The following PCDH19 variants were observed in gnomAD, a reference collection of about 807,000 sequenced individuals.
The protein encoded by PCDH19 is protocadherin-19.
In PCDH19, 6 loss-of-function variants were observed where a neutral mutation model predicts 46.2. The ratio of observed to expected loss-of-function variants is 0.13; its 90% CI spans 0.07 to 0.26. The LOEUF is 0.26. Among genes scored for constraint, PCDH19 ranks in the 10% least tolerant of loss-of-function variants. The probability of loss-of-function intolerance (pLI) is 1.00; values close to 1 mark genes in which losing one functional copy is unlikely to be tolerated. For synonymous variants in PCDH19, 481 were observed against 415.7 expected (o/e 1.16, Z -1.91); for missense variants, 740 against 972.3 (o/e 0.76, Z 3.18).
chrX:100,373,280 C>T (rs1250136768), intron 3 of PCDH19, among the ~76,000 whole-genome samples: 1 of 112,868 alleles, frequency 8.9e-6, no homozygotes, highest in Non-Finnish European at 1.9e-5. Flanking sequence ...GGATTATAGG[C>T]GTGAGCCACC....
Position 100,296,279 on chromosome X carries a change from A to C in PCDH19, c.3445T>G (p.Ter1149GluextTer31). ...TTCTCTTCTTCCTGGAGACTGGTTTAGAGAACGATATCCTTCAGACGCTTC... is the reference window on the plus strand; with the variant it reads ...TTCTCTTCTTCCTGGAGACTGGTTTCGAGAACGATATCCTTCAGACGCTTC... ...GVKRLKDIVL[*>E] The change falls in exon 6 of 6, where the codon TAA becomes GAA. Residue 1149 changes from the stop codon to glutamate, a stop_lost. Coordinates refer to ENST00000373034, the MANE Select transcript of PCDH19 (RefSeq NM_001184880.2). The C allele has an allele frequency of 8.3e-7, 1 of 1,199,825 alleles. No homozygotes were observed. Among genetic ancestry groups the C allele is most frequent in the Non-Finnish European group, 1.1e-6 (1 of 884,432 alleles).
intron 5 of PCDH19, among the ~76,000 whole-genome samples, chrX:100,338,505 G>A (rs750052983): frequency 4.5e-5 from 4 of 87,953 alleles, no homozygotes; most frequent in African/African-American, 8.8e-5. Flanking sequence ...CTGGGTGACA[G>A]AGTGAGACTC....
intron 3 of PCDH19, among the ~76,000 whole-genome samples, chrX:100,356,894 T>C (rs1036004334): frequency 1.8e-5 from 2 of 111,486 alleles, no homozygotes; most frequent in East Asian, 5.6e-4. Context: ...ACAGATGACC[T>C]TGGATGAATC....
chrX:100,409,809 T>G lies in PCDH19; in HGVS notation c.-1212A>C. 5 of 219,115 alleles carry G rather than the reference T, an allele frequency of 2.3e-5. No individual in the cohort carries two copies. Among genetic ancestry groups the G allele is most frequent in the Non-Finnish European group, 3.3e-5 (4 of 122,739 alleles). The allele number at this position is 219,115 out of a possible 1,213,427, so 18.1% of individuals were successfully genotyped here. A position where few individuals can be genotyped will look rare whatever the true frequency, so the allele number is the denominator to read the frequency against. ...CCTCAGCAGCTGCCACAGTCGACGA[T>G]TTTGTCGCCGCCGAAGTTTACTTGC... is the stretch of plus-strand genomic sequence containing the variant. On this transcript the variant is annotated 5_prime_UTR_variant, in exon 1 of 6. Coordinates refer to ENST00000373034, the MANE Select transcript of PCDH19 (RefSeq NM_001184880.2).
Position 100,408,426 on chromosome X carries a change from C to A in PCDH19, c.172G>T (p.Ala58Ser), listed in dbSNP as rs763745318. ...TTGGACACCACGCGAAAGGCTGAAG[C>A]CTGCCGGGGGTCCAGCGCGAAGCCC... ...EAGFALDPRQ[A>S]SAFRVVSNSA... is the part of the protein sequence containing the mutation. The change falls in exon 1 of 6, where the codon GCT (alanine) becomes TCT (serine). Residue 58 changes from alanine to serine, a missense_variant. Coordinates refer to ENST00000373034, the MANE Select transcript of PCDH19 (RefSeq NM_001184880.2). 41 of 1,203,956 alleles carry A rather than the reference C, an allele frequency of 3.4e-5. No homozygotes were observed. The highest frequency in any genetic ancestry group is 1.2e-4 in the South Asian group (7 of 56,466).
chrX:100,351,309 G>A lies in PCDH19; in HGVS notation c.2617-605C>T, dbSNP rs965041560. 2.7e-5 allele frequency among the ~76,000 whole-genome samples: 3 copies of A among 112,840 alleles called. No homozygotes were observed. The East Asian group carries it at 8.4e-4, about 31-fold the overall frequency. On this transcript the variant is annotated intron_variant, in intron 3 of 5. Transcript: ENST00000373034. ...CACAGGGGGTGCCAAAGCCTTTCAT[G>A]TGAAACATGAAGTTTGCAAGCAAAC...
At chrX:100,345,167 C>T (rs775121526) in intron 4 of PCDH19, among the ~76,000 whole-genome samples, 2 of 111,586 alleles carry the variant, frequency 1.8e-5, no homozygotes, top group Non-Finnish European at 3.8e-5. Flanking sequence ...ACCAGATACA[C>T]ATAGATGCTC....
intron 3 of PCDH19, among the ~76,000 whole-genome samples, chrX:100,376,866 G>A (rs928648406): frequency 8.9e-6 from 1 of 112,406 alleles, no homozygotes; most frequent in Non-Finnish European, 1.9e-5. Flanking sequence ...AATTTGCAAT[G>A]AAGTTGAGAA....
intron 3 of PCDH19, among the ~76,000 whole-genome samples, chrX:100,392,099 A>G (rs920729672): frequency 8.9e-5 from 10 of 112,149 alleles, no homozygotes; most frequent in Non-Finnish European, 1.9e-4. Context: ...TCAGATGTGC[A>G]AAGACCAAGC....
At chrX:100,355,445 A>G (rs1187517644) in intron 3 of PCDH19, among the ~76,000 whole-genome samples, 1 of 111,487 alleles carries the variant, frequency 9.0e-6, no homozygotes, top group African/African-American at 3.3e-5. Context: ...TATCAAACAC[A>G]GCGTTTTTAA....
rs916682642 is a variant in PCDH19 at position 100,322,244 on chromosome X, A to G, written c.2848+19659T>C. 1.1e-4 allele frequency among the ~76,000 whole-genome samples: 12 copies of G among 111,440 alleles called. 1 individual carries two copies. Among genetic ancestry groups the G allele is most frequent in the Admixed American group, 1.9e-4 (2 of 10,531 alleles). Reference sequence around the variant, plus strand: ...TGATCTATTTTGAGTTGATTTTTGTATAAGGTGAGAGATGAGGATCCAGTT... The same window carrying G: ...TGATCTATTTTGAGTTGATTTTTGTGTAAGGTGAGAGATGAGGATCCAGTT... On this transcript the variant is annotated intron_variant, in intron 5 of 5. Coordinates refer to ENST00000373034, the MANE Select transcript of PCDH19 (RefSeq NM_001184880.2).
At chrX:100,341,435 C>G (rs907432816) in intron 5 of PCDH19, among the ~76,000 whole-genome samples, 2 of 111,767 alleles carry the variant, frequency 1.8e-5, no homozygotes, top group African/African-American at 6.5e-5. Context: ...AAATAGTACA[C>G]AATCTGTAAT....
chrX:100,407,118 G>T lies in PCDH19; in HGVS notation c.1480C>A (p.Pro494Thr), dbSNP rs772002292. 1 of 1,212,062 alleles carries T rather than the reference G, an allele frequency of 8.3e-7. No homozygotes were observed. Among genetic ancestry groups the T allele is most frequent in the Non-Finnish European group, 1.1e-6 (1 of 895,534 alleles). The change falls in exon 1 of 6, where the codon CCG (proline) becomes ACG (threonine). Residue 494 changes from proline to threonine, a missense_variant. Coordinates refer to ENST00000373034, the MANE Select transcript of PCDH19 (RefSeq NM_001184880.2). The part of the protein sequence containing the change: ...LNGSVSYQIV[P>T]SQVRDMPVFT... ...ACAGGCATGTCCCGCACCTGCGACG[G>T]CACGATCTGGTAGGAGACACTGCCG...
intron 3 of PCDH19, among the ~76,000 whole-genome samples, chrX:100,394,082 G>T (rs1188868147): frequency 1.8e-5 from 2 of 111,782 alleles, no homozygotes; most frequent in Non-Finnish European, 3.8e-5. Context: ...CAGCAGAATC[G>T]CTTGAACCCG....
intron 5 of PCDH19, among the ~76,000 whole-genome samples, chrX:100,325,170 CAGAT>C (rs907800562): frequency 1.3e-4 from 7 of 54,193 alleles, no homozygotes; most frequent in South Asian, 5.5e-4. Context: ...GATAGATAGA[CAGAT>C]AGACACTTTG....
Position 100,398,596 on chromosome X carries a change from T to C in PCDH19, c.2616+3928A>G, listed in dbSNP as rs776666244. ...CTTGTATTGCTTGCCCGTGAAATCA[T>C]TGTGGGTGATCTTAGCTCCCCAACT... On this transcript the variant is annotated intron_variant, in intron 3 of 5. Transcript: ENST00000373034. Among the ~76,000 whole-genome samples, 7 of 112,078 alleles carry C rather than the reference T, an allele frequency of 6.2e-5. No homozygotes were observed. In the South Asian group the frequency reaches 1.1e-3, roughly 18 times the overall value.
chrX:100,362,482 C>T (rs951333045), intron 3 of PCDH19, among the ~76,000 whole-genome samples: 6 of 110,567 alleles, frequency 5.4e-5, no homozygotes, highest in Non-Finnish European at 1.1e-4. Flanking sequence ...CTGGTAGACC[C>T]AGCTTCATTT....
chrX:100,369,843 C>T (rs979238184), intron 3 of PCDH19, among the ~76,000 whole-genome samples: 2 of 111,995 alleles, frequency 1.8e-5, no homozygotes, highest in Non-Finnish European at 3.8e-5. Flanking sequence ...GTCTTAACAG[C>T]AAAGAATTCA....
At chrX:100,344,590 T>C (rs1311193881) in intron 4 of PCDH19, among the ~76,000 whole-genome samples, 1 of 106,889 alleles carries the variant, frequency 9.4e-6, no homozygotes, top group Non-Finnish European at 1.9e-5. Flanking sequence ...TATTTTCTGG[T>C]ATCTGAAAAT....
Sources: allele counts gnomAD v4.1 joint callset (sites outside exome capture counted in the v4.1 genomes callset), GRCh38; gene constraint gnomAD v4.1.1; transcripts MANE v1.5; gene names NCBI Gene and HGNC (gene_info 2026-07-23, HGNC 2026-07-21).